GOLGA8N: variants seen among roughly 807,000 people sequenced by gnomAD.
GOLGA8N encodes golgin subfamily A member 8N.
In GOLGA8N, 2 loss-of-function variants were observed where a neutral mutation model predicts 22.0. The ratio of observed to expected loss-of-function variants is 0.09; its 90% confidence interval spans 0.04 to 0.29. GOLGA8N has a LOEUF of 0.29. Among genes scored for constraint, GOLGA8N ranks in the 10% least tolerant of loss-of-function variants. The pLI is 1.00. For missense variants in GOLGA8N, 10 were observed against 164.7 expected, an observed-to-expected ratio of 0.06 and a Z score of 5.14; for synonymous variants, 2 against 58.7, an observed-to-expected ratio of 0.03 and a Z score of 4.41.
In GOLGA8N at chr15:32,598,742, C is replaced by T. The variant is rs2052857286; in HGVS notation, c.592-485C>T. Among the ~76,000 whole-genome samples, 2 of 49,706 alleles carry T rather than the reference C, an allele frequency of 4.0e-5. 1 individual carries two copies. Among genetic ancestry groups the T allele is most frequent in the South Asian group, 1.1e-3 (2 of 1,764 alleles). 32.6% of individuals were successfully genotyped at this position (49,706 alleles called of 152,430 possible). On this transcript the variant is annotated intron_variant, in intron 8 of 18. Transcript: ENST00000448387. ...ATTAATTTTCCCCTTCCTATCTGTG[C>T]CCCCATCCCCAGCAAGAAAAACGGG... is the stretch of plus-strand genomic sequence containing the variant.
exon 8 of GOLGA8N, chr15:32,598,127 G>A (rs773196024): frequency 7.8e-7 from 1 of 1,282,226 alleles, no homozygotes; most frequent in Non-Finnish European, 1.0e-6. Context: ...AGGAGAGTTA[G>A]AGAGCGCTCT....
chr15:32,605,847 C>T (rs1169380066), exon 19 of GOLGA8N: 7 of 108,748 alleles, frequency 6.4e-5, no homozygotes, highest in Admixed American at 1.0e-4. Context: ...TGCAAATATT[C>T]GGTCCTTGTG....
chr15:32,606,883 T>G lies in GOLGA8N; in HGVS notation c.*2905T>G, dbSNP rs553573151. 75 of 150,654 alleles carry G rather than the reference T, an allele frequency of 5.0e-4. No homozygotes were observed. The East Asian group carries it at 8.3e-3, about 17-fold the overall frequency. The allele number at this position is 150,654 out of a possible 1,614,324, so 9.3% of individuals were successfully genotyped here. On this transcript the variant is annotated 3_prime_UTR_variant, in exon 19 of 19. Coordinates refer to ENST00000448387, the Ensembl canonical transcript of GOLGA8N. ...AAAATAATATAACTATTAAAAAATG[T>G]AACTGCTATCTTAATGTTCTGAAAT...
At chr15:32,598,602 G>T (rs528909268) in intron 8 of GOLGA8N, among the ~76,000 whole-genome samples, 2 of 55,236 alleles carry the variant, frequency 3.6e-5, no homozygotes, top group East Asian at 8.7e-4. Context: ...TGTCTGCAAG[G>T]GTTCATAAAA....
intron 5 of GOLGA8N, 42 bp downstream of exon 5, chr15:32,597,531 G>T (rs1327339470): frequency 5.7e-6 from 9 of 1,570,204 alleles, no homozygotes; most frequent in South Asian, 1.1e-5. Context: ...TGCTGGGTTT[G>T]GGGGGCACTC....
At chr15:32,606,873 T>G (rs995676095) in exon 19 of GOLGA8N, 5 of 150,538 alleles carry the variant, frequency 3.3e-5, no homozygotes, top group African/African-American at 1.2e-4. Flanking sequence ...AATATAACTA[T>G]TAAAAAATGT....
At chr15:32,606,650 A>C (rs2052937780) in exon 19 of GOLGA8N, 1 of 149,984 alleles carries the variant, frequency 6.7e-6, no homozygotes, top group Non-Finnish European at 1.5e-5. Context: ...CACTGAATAC[A>C]TTTTAATGTC....
rs550779592 is a variant in GOLGA8N, at chr15:32,597,630, C to T, written c.349-122C>T. On this transcript the variant is annotated intron_variant, in intron 5 of 18. Transcript: ENST00000448387. ...GATTCCACCCCATCCCCACAGGGCC[C>T]CTGATAACCTGGTCCCATGGGTGGG... The T allele has an allele frequency of 4.1e-4, 610 of 1,501,704 alleles. 5 individuals carry two copies. The highest frequency in any genetic ancestry group is 5.3e-4 in the Non-Finnish European group (585 of 1,096,196). 93.0% of individuals were successfully genotyped at this position (1,501,704 alleles called of 1,614,324 possible).
intron 2 of GOLGA8N, among the ~76,000 whole-genome samples, chr15:32,595,780 A>AG (rs1009943825): frequency 9.2e-6 from 1 of 108,240 alleles, no homozygotes; most frequent in African/African-American, 3.8e-5. Context: ...TCTGTCTCAA[A>AG]AAAAAAAAAA....
chr15:32,593,813 CTT>C, intron 1 of GOLGA8N: 1 of 1,211,138 alleles, frequency 8.3e-7, no homozygotes, highest in Non-Finnish European at 1.1e-6. Context: ...CCCAGGGTGA[CTT>C]TGGGTGGGTG....
chr15:32,606,627 A>T, exon 19 of GOLGA8N: 1 of 149,838 alleles, frequency 6.7e-6, no homozygotes, highest in Admixed American at 6.6e-5. Flanking sequence ...ATAGAATTTT[A>T]AACTGTGAGT....
exon 19 of GOLGA8N, chr15:32,606,421 G>C (rs950858433): frequency 7.1e-6 from 1 of 140,600 alleles, no homozygotes; most frequent in African/African-American, 2.7e-5. Flanking sequence ...TCTTTGTGTA[G>C]GTATTTGTCA....
Position 32,602,625 on chromosome 15 carries a change from C to CT in GOLGA8N, c.1368+14_1368+15insT. 1 of 424,282 alleles carries CT rather than the reference C, an allele frequency of 2.4e-6. No homozygotes were observed. The highest frequency in any genetic ancestry group is 4.0e-6 in the Non-Finnish European group (1 of 248,636). 26.3% of individuals were successfully genotyped at this position (424,282 alleles called of 1,614,324 possible). ...AGGGAGGCCATGGTGAGCCTGACTC[C>CT]CCCTGCACCCATTTTGCCACCTTTC... On this transcript the variant is annotated intron_variant, in intron 15 of 18. Coordinates refer to ENST00000448387, the Ensembl canonical transcript of GOLGA8N.
At chr15:32,607,168 GT>G (rs1310930133) in exon 19 of GOLGA8N, 1 of 152,342 alleles carries the variant, frequency 6.6e-6, no homozygotes, top group Non-Finnish European at 1.5e-5. Flanking sequence ...TCAATGTGTT[GT>G]TTTTGCCTTA....
chr15:32,596,480 C>G, intron 3 of GOLGA8N, 39 bp from the exon 4 acceptor site: 5 of 39,706 alleles, frequency 1.3e-4, no homozygotes, highest in African/African-American at 9.1e-4. Context: ...CCTCTCTCCC[C>G]ACTCCTGCTC....
At chr15:32,606,672 T>A (rs2052938417) in exon 19 of GOLGA8N, 1 of 149,042 alleles carries the variant, frequency 6.7e-6, no homozygotes, top group South Asian at 2.1e-4. Context: ...GTAGGAAGAA[T>A]CAAAACACCT....
Position 32,598,448 on chromosome 15 carries a change from C to G in GOLGA8N, c.591+271C>G, listed in dbSNP as rs1211748254. Among the ~76,000 whole-genome samples the G allele has an allele frequency of 9.1e-5, 5 of 54,694 alleles. 2 individuals are homozygous for G. The highest frequency in any genetic ancestry group is 2.0e-4 in the Non-Finnish European group (5 of 25,082). The allele number at this position is 54,694 out of a possible 152,430, so 35.9% of individuals were successfully genotyped here. ...TACCTGGCTGTGGTCTTGGGCAAGT[C>G]CTAGTCCTAGGTGGGGTATTGGGTA... On this transcript the variant is annotated intron_variant, in intron 8 of 18. Transcript: ENST00000448387.
At chr15:32,606,680 C>G (rs1232578550) in exon 19 of GOLGA8N, 1 of 148,796 alleles carries the variant, frequency 6.7e-6, no homozygotes, top group African/African-American at 2.5e-5. Context: ...AATCAAAACA[C>G]CTATTTAAAG....
exon 19 of GOLGA8N, chr15:32,607,127 C>G (rs1295650285): frequency 1.3e-5 from 2 of 152,096 alleles, no homozygotes; most frequent in South Asian, 4.2e-4. Flanking sequence ...TGGTGTGATG[C>G]CACTGTAATG....
Sources: gnomAD v4.1 joint callset for allele counts (sites outside exome capture counted in the v4.1 genomes callset) on GRCh38, gnomAD v4.1.1 for gene constraint, MANE v1.5 for transcripts, NCBI Gene and HGNC (gene_info 2026-07-23, HGNC 2026-07-21) for gene names.